RNF150: variants seen among roughly 807,000 people sequenced by gnomAD.
RNF150 encodes ring finger protein 150.
RNF150 carries 24 observed loss-of-function variants against 39.3 expected under a neutral mutation model. That is an observed-to-expected ratio of 0.61 (90% CI 0.44 to 0.86). The LOEUF (loss-of-function observed/expected upper bound fraction) is 0.86, where lower values mean the gene tolerates loss of function less well. RNF150 is among the 40% of genes least tolerant of loss of function. RNF150 has a pLI of 0.00. For missense variants in RNF150, 502 were observed against 587.8 expected, an observed-to-expected ratio of 0.85 and a Z score of 1.51; for synonymous variants, 255 against 227.3, an observed-to-expected ratio of 1.12 and a Z score of -1.10.
intron 1 of RNF150, among the ~76,000 whole-genome samples, chr4:141,146,824 G>T (rs1727212561): frequency 6.6e-6 from 1 of 152,134 alleles, no homozygotes; most frequent in African/African-American, 2.4e-5. Flanking sequence ...ATCTGCTGGA[G>T]GTTTAAGGAA....
intron 1 of RNF150, among the ~76,000 whole-genome samples, chr4:141,104,007 G>T (rs1331426592): frequency 1.3e-5 from 2 of 152,166 alleles, no homozygotes; most frequent in African/African-American, 4.8e-5. Context: ...TATTTATTAA[G>T]GTTTTGCAAT....
At chr4:141,061,588 TACTC>T (rs774971967) in intron 1 of RNF150, among the ~76,000 whole-genome samples, 5 of 152,302 alleles carry the variant, frequency 3.3e-5, no homozygotes, top group Non-Finnish European at 5.9e-5. Context: ...AATGCCACCA[TACTC>T]ACTGCAAGAG....
At chr4:140,985,475 G>C (rs1010125521) in intron 1 of RNF150, among the ~76,000 whole-genome samples, 8 of 152,192 alleles carry the variant, frequency 5.3e-5, no homozygotes, top group African/African-American at 1.7e-4. Flanking sequence ...GAGATATTCT[G>C]TAAACTAAAC....
intron 5 of RNF150, among the ~76,000 whole-genome samples, chr4:140,918,567 C>T (rs547617259): frequency 6.6e-6 from 1 of 151,964 alleles, no homozygotes; most frequent in South Asian, 2.1e-4. Flanking sequence ...AAAAAGAGTC[C>T]AGGTCCAGAT....
At chr4:141,038,862 T>A (rs1190347889) in intron 1 of RNF150, among the ~76,000 whole-genome samples, 1 of 152,048 alleles carries the variant, frequency 6.6e-6, no homozygotes, top group African/African-American at 2.4e-5. Context: ...GGCCCCCTAA[T>A]GCCAGAAGAG....
rs142313955 is a variant in RNF150 at position 140,874,020 on chromosome 4, T to C, written c.1199-5641A>G. Among the ~76,000 whole-genome samples the C allele has an allele frequency of 4.2e-3, 632 of 151,114 alleles. 4 individuals are homozygous for C. The highest frequency in any genetic ancestry group is 0.014 in the African/African-American group (587 of 41,510). On this transcript the variant is annotated intron_variant, in intron 6 of 6. Coordinates refer to ENST00000515673, the MANE Select transcript of RNF150 (RefSeq NM_020724.2). ...TACTTTGTTCTCAAAACTATTGCTTTAATATATTTCCACTTTAATTCTGAG... is the reference window on the plus strand; with the variant it reads ...TACTTTGTTCTCAAAACTATTGCTTCAATATATTTCCACTTTAATTCTGAG...
chr4:141,206,175 T>C (rs918973757), intron 1 of RNF150, among the ~76,000 whole-genome samples: 2 of 151,944 alleles, frequency 1.3e-5, no homozygotes, highest in African/African-American at 4.8e-5. Context: ...ATCCTAGCAC[T>C]TTGGGAGGCC....
At position 140,861,772 on chromosome 4, in the gene RNF150, C is replaced by T. The variant is rs1287382014; in HGVS notation, c.*6489G>A. 3.3e-5 allele frequency: 5 copies of T among 152,164 alleles called. No homozygotes were observed. Among genetic ancestry groups the T allele is most frequent in the African/African-American group, 1.2e-4 (5 of 41,428 alleles). The allele number at this position is 152,164 out of a possible 1,614,324, so 9.4% of individuals were successfully genotyped here. On this transcript the variant is annotated 3_prime_UTR_variant, in exon 7 of 7. Transcript: ENST00000515673. ...TGGCTATTTAAAATCTTCACATTCT[C>T]AAAGAGAACAATGTTCTGAGTTCAG...
At chr4:141,128,304 G>A (rs367904843) in intron 1 of RNF150, among the ~76,000 whole-genome samples, 1 of 152,106 alleles carries the variant, frequency 6.6e-6, no homozygotes, top group African/African-American at 2.4e-5. Context: ...ATCGAGGTAT[G>A]GTGTTATCCT....
At chr4:140,991,032 T>C (rs753421341) in intron 1 of RNF150, among the ~76,000 whole-genome samples, 1 of 152,244 alleles carries the variant, frequency 6.6e-6, no homozygotes, top group Admixed American at 6.5e-5. Context: ...ATTGTTATTC[T>C]GACTGGTGTG....
At chr4:140,975,897 AT>A (rs1199154039) in intron 1 of RNF150, among the ~76,000 whole-genome samples, 1 of 152,166 alleles carries the variant, frequency 6.6e-6, no homozygotes, top group African/African-American at 2.4e-5. Context: ...CCGGCCTTCT[AT>A]GTCATGAGTT....
At chr4:141,121,702 A>G (rs1297206859) in intron 1 of RNF150, among the ~76,000 whole-genome samples, 3 of 152,170 alleles carry the variant, frequency 2.0e-5, no homozygotes, top group African/African-American at 4.8e-5. Context: ...TCACTAATTC[A>G]TGATTTAAGC....
At chr4:140,888,842 A>C (rs1560949666) in intron 6 of RNF150, among the ~76,000 whole-genome samples, 1 of 152,226 alleles carries the variant, frequency 6.6e-6, no homozygotes, top group Non-Finnish European at 1.5e-5. Context: ...TTCTGGCTCA[A>C]AGAAATCCTT....
intron 5 of RNF150, among the ~76,000 whole-genome samples, chr4:140,925,403 A>G (rs1731353064): frequency 6.6e-6 from 1 of 152,130 alleles, no homozygotes; most frequent in African/African-American, 2.4e-5. Flanking sequence ...CAACTGGGGG[A>G]ACCCGTTAAA....
At chr4:141,140,530 AT>A (rs904518019) in intron 1 of RNF150, among the ~76,000 whole-genome samples, 15 of 151,186 alleles carry the variant, frequency 9.9e-5, no homozygotes, top group African/African-American at 2.7e-4. Flanking sequence ...ATAGTTGTTC[AT>A]TTTTTTTTGT....
At chr4:140,899,552 GTGTGTGCATGTGTGTATGCATGTGTA>G (rs966691954) in intron 6 of RNF150, among the ~76,000 whole-genome samples, 19 of 152,116 alleles carry the variant, frequency 1.2e-4, no homozygotes, top group African/African-American at 4.6e-4. Flanking sequence ...GTGGTGGTGT[GTGTGTGCATGTGTGTATGCATGTGTA>G]TGTGTGTGCA....
Position 140,864,878 on chromosome 4 carries a change from A to G in RNF150, c.*3383T>C, listed in dbSNP as rs1222562297. 1.3e-5 allele frequency: 2 copies of G among 152,242 alleles called. No individual in the cohort carries two copies. Among genetic ancestry groups the G allele is most frequent in the East Asian group, 3.9e-4 (2 of 5,194 alleles). 9.4% of individuals were successfully genotyped at this position (152,242 alleles called of 1,614,324 possible). On this transcript the variant is annotated 3_prime_UTR_variant, in exon 7 of 7. Transcript: ENST00000515673. ...TCATGGACATCAATGATATGGTTAGAAAGTTCAAGCAGAAATTTTAAAAAG... is the reference window on the plus strand; with the variant it reads ...TCATGGACATCAATGATATGGTTAGGAAGTTCAAGCAGAAATTTTAAAAAG...
intron 4 of RNF150, among the ~76,000 whole-genome samples, chr4:140,942,910 T>C (rs35643235): frequency 0.075 from 11,437 of 152,280 alleles, 569 homozygotes; most frequent in Admixed American, 0.16. Context: ...CAGCAGGACA[T>C]GCTGCCCCTA....
At position 140,911,211 on chromosome 4, in the gene RNF150, T is replaced by C; in HGVS notation, c.1131A>G (p.Gly377=). 1 of 1,614,138 alleles carries C rather than the reference T, an allele frequency of 6.2e-7. No individual in the cohort carries two copies. The highest frequency in any genetic ancestry group is 8.5e-7 in the Non-Finnish European group (1 of 1,180,022). ...VTLDPAVRTV[G]ALQVVQDTDP... is the part of the protein sequence containing the mutation. ...CTGTATCCTGGACCACCTGCAAGGC[T>C]CCCACAGTCCGGACAGCAGGGTCCA... Residue 377 remains glycine (G), a synonymous_variant, in exon 6 of 7, where the codon GGA becomes GGG. Coordinates refer to ENST00000515673, the MANE Select transcript of RNF150 (RefSeq NM_020724.2).
Sources: allele counts gnomAD v4.1 joint callset (sites outside exome capture counted in the v4.1 genomes callset), GRCh38; gene constraint gnomAD v4.1.1; transcripts MANE v1.5; gene names NCBI Gene and HGNC (gene_info 2026-07-23, HGNC 2026-07-21).